UVRAG: variants seen among roughly 807,000 people sequenced by gnomAD.
UVRAG encodes UV radiation resistance associated.
UVRAG carries 19 observed loss-of-function variants against 78.0 expected under a neutral mutation model. That is an observed-to-expected ratio of 0.24 (90% CI 0.17 to 0.36). The LOEUF (loss-of-function observed/expected upper bound fraction) is 0.36. UVRAG is among the 10% of genes least tolerant of loss of function. UVRAG has a pLI of 1.00. For missense variants in UVRAG, 740 were observed against 853.8 expected, an observed-to-expected ratio of 0.87 and a Z score of 1.66; for synonymous variants, 323 against 324.6, an observed-to-expected ratio of 1.00 and a Z score of 0.05.
At chr11:76,097,544 G>A (rs1431256960) in intron 13 of UVRAG, among the ~76,000 whole-genome samples, 1 of 151,866 alleles carries the variant, frequency 6.6e-6, no homozygotes, top group Non-Finnish European at 1.5e-5. Context: ...CCTCTGATGT[G>A]GTCCTTACTC....
At position 76,098,244 on chromosome 11, in the gene UVRAG, A is replaced by G. The variant is rs541449583; in HGVS notation, c.1306-17680A>G. The stretch of plus-strand genomic sequence containing the variant: ...AGAAACAGTGTCCTTAGGAATAGCT[A>G]CTGAGGGAAAAGGAAGATAACTAAC... On this transcript the variant is annotated intron_variant, in intron 13 of 14. Coordinates refer to ENST00000356136, the MANE Select transcript of UVRAG (RefSeq NM_003369.4). Among the ~76,000 whole-genome samples the G allele has an allele frequency of 3.3e-5, 5 of 152,290 alleles. No individual in the cohort carries two copies. The South Asian group carries it at 1.0e-3, about 32-fold the overall frequency.
At chr11:75,990,544 A>C (rs550328863) in intron 8 of UVRAG, among the ~76,000 whole-genome samples, 1 of 152,352 alleles carries the variant, frequency 6.6e-6, no homozygotes, top group South Asian at 2.1e-4. Flanking sequence ...GTCTCAGCCC[A>C]AGATGACTTA....
At chr11:75,846,593 A>ATTT (rs879801288) in intron 1 of UVRAG, among the ~76,000 whole-genome samples, 3 of 140,984 alleles carry the variant, frequency 2.1e-5, no homozygotes, top group African/African-American at 7.7e-5. Flanking sequence ...GTCTACATTC[A>ATTT]TTTTTTTTTT....
At chr11:75,868,565 T>C (rs1430031285) in intron 3 of UVRAG, among the ~76,000 whole-genome samples, 1 of 152,204 alleles carries the variant, frequency 6.6e-6, no homozygotes, top group African/African-American at 2.4e-5. Context: ...CATAGAACAA[T>C]TCATGGTGAA....
intron 12 of UVRAG, among the ~76,000 whole-genome samples, chr11:76,059,119 ATAACT>A (rs965121761): frequency 6.6e-6 from 1 of 152,206 alleles, no homozygotes; most frequent in Non-Finnish European, 1.5e-5. Context: ...AAAGAAAATA[ATAACT>A]TATATTTGTG....
At chr11:76,066,550 G>A (rs1206886027) in intron 13 of UVRAG, among the ~76,000 whole-genome samples, 1 of 152,004 alleles carries the variant, frequency 6.6e-6, no homozygotes, top group Non-Finnish European at 1.5e-5. Context: ...TCGGCTCACT[G>A]CAACCTCTAC....
In UVRAG at chr11:76,038,415, T is replaced by G. The variant is rs551448560; in HGVS notation, c.1226+21435T>G. ...ATTTAAAAACAACAGACATAACTAT[T>G]TACATAGCATTTGCATTGTATTAGG... On this transcript the variant is annotated intron_variant, in intron 12 of 14. Transcript: ENST00000356136. 1.6e-3 allele frequency among the ~76,000 whole-genome samples: 241 copies of G among 152,338 alleles called. 1 individual carries two copies. The highest frequency in any genetic ancestry group is 5.7e-3 in the African/African-American group (238 of 41,576).
At chr11:75,838,702 G>A (rs1945841350) in intron 1 of UVRAG, among the ~76,000 whole-genome samples, 1 of 152,158 alleles carries the variant, frequency 6.6e-6, no homozygotes, top group Admixed American at 6.5e-5. Context: ...TGTTATGGAT[G>A]TCTGTTTGAA....
chr11:75,848,135 C>T (rs1338768928), intron 1 of UVRAG, among the ~76,000 whole-genome samples: 1 of 150,568 alleles, frequency 6.6e-6, no homozygotes, highest in Admixed American at 6.6e-5. Context: ...GAGGTTGAGG[C>T]TGCAGTGAGC....
At position 75,975,347 on chromosome 11, in the gene UVRAG, G is replaced by A. The variant is rs138349439; in HGVS notation, c.700-8040G>A. ...TGGCTTAGGATTGTCTTGGCAATGC[G>A]GGCTCTTTTTTGGTTCCATATGAAC... On this transcript the variant is annotated intron_variant, in intron 7 of 14. Coordinates refer to ENST00000356136, the MANE Select transcript of UVRAG (RefSeq NM_003369.4). Among the ~76,000 whole-genome samples the A allele has an allele frequency of 1.7e-3, 264 of 152,218 alleles. 2 individuals carry two copies. The highest frequency in any genetic ancestry group is 6.1e-3 in the African/African-American group (253 of 41,534).
chr11:76,053,601 G>A (rs1217318457), intron 12 of UVRAG, among the ~76,000 whole-genome samples: 1 of 152,028 alleles, frequency 6.6e-6, no homozygotes, highest in Non-Finnish European at 1.5e-5. Context: ...CTCCTATCCA[G>A]GTCCTGTTCA....
At chr11:75,838,815 C>T (rs1174481719) in intron 1 of UVRAG, 1 of 152,156 alleles carries the variant, frequency 6.6e-6, no homozygotes, top group East Asian at 1.9e-4. Flanking sequence ...ACCATGATAC[C>T]ATACCTCTGC....
chr11:75,899,058 A>C (rs1004373398), intron 5 of UVRAG, among the ~76,000 whole-genome samples: 16 of 152,170 alleles, frequency 1.1e-4, no homozygotes, highest in Non-Finnish European at 1.9e-4. Flanking sequence ...AAGTTGGAAA[A>C]AAAATCATTT....
chr11:76,086,482 T>G (rs1268948071), intron 13 of UVRAG, among the ~76,000 whole-genome samples: 1 of 152,228 alleles, frequency 6.6e-6, no homozygotes, highest in Middle Eastern at 3.2e-3. Context: ...ATTAATTAGA[T>G]AGAGATTTGG....
Position 75,894,941 on chromosome 11 carries a change from T to C in UVRAG, c.507+6038T>C, listed in dbSNP as rs541415788. ...GAAACAAAAGATAAAAAGAAACATGTAGTGTGGGGGTAGCATTATGTCCAA... is the reference window on the plus strand; with the variant it reads ...GAAACAAAAGATAAAAAGAAACATGCAGTGTGGGGGTAGCATTATGTCCAA... On this transcript the variant is annotated intron_variant, in intron 5 of 14. Coordinates refer to ENST00000356136, the MANE Select transcript of UVRAG (RefSeq NM_003369.4). Among the ~76,000 whole-genome samples the C allele has an allele frequency of 2.0e-5, 3 of 152,000 alleles. No homozygotes were observed. The South Asian group carries it at 6.2e-4, about 32-fold the overall frequency.
chr11:76,077,974 A>G (rs1192951247), intron 13 of UVRAG, among the ~76,000 whole-genome samples: 1 of 152,242 alleles, frequency 6.6e-6, no homozygotes, highest in Non-Finnish European at 1.5e-5. Context: ...AAGCACCACC[A>G]TGAGTGACAT....
chr11:75,856,451 T>C (rs187560256), intron 2 of UVRAG, among the ~76,000 whole-genome samples: 65 of 152,160 alleles, frequency 4.3e-4, no homozygotes, highest in Admixed American at 7.2e-4. Flanking sequence ...GTTTTATTTA[T>C]TTTTATTTAT....
chr11:75,987,786 G>T (rs1421759923), intron 8 of UVRAG, among the ~76,000 whole-genome samples: 1 of 151,838 alleles, frequency 6.6e-6, no homozygotes, highest in Non-Finnish European at 1.5e-5. Flanking sequence ...TCCCAGACTG[G>T]AGTAAAATGG....
At chr11:76,075,751 T>A (rs994663447) in intron 13 of UVRAG, among the ~76,000 whole-genome samples, 2 of 152,146 alleles carry the variant, frequency 1.3e-5, no homozygotes, top group Non-Finnish European at 2.9e-5. Context: ...CCTCATTCCC[T>A]CAGGTTCCCC....
Sources: gnomAD v4.1 joint callset for allele counts (sites outside exome capture counted in the v4.1 genomes callset) on GRCh38, gnomAD v4.1.1 for gene constraint, MANE v1.5 for transcripts, NCBI Gene and HGNC (gene_info 2026-07-23, HGNC 2026-07-21) for gene names.